The following LEKR1 variants were observed in gnomAD, a reference collection of about 807,000 sequenced individuals.
LEKR1 encodes the protein protein LEKR1.
Under a neutral mutation model 72.4 loss-of-function variants are expected in LEKR1, and 59 were observed. The observed-to-expected ratio is 0.82, with a 90% confidence interval of 0.66 to 1.01. The LOEUF (loss-of-function observed/expected upper bound fraction) is 1.01, where lower values mean the gene tolerates loss of function less well. LEKR1 is among the 50% of genes least tolerant of loss of function. The pLI is 0.00. For synonymous variants in LEKR1, 257 were observed against 263.2 expected (o/e 0.98, Z 0.23); for missense variants, 728 against 759.2 (o/e 0.96, Z 0.48).
At chr3:156,887,256 A>G (rs578219054) in intron 3 of LEKR1, among the ~76,000 whole-genome samples, 4 of 146,204 alleles carry the variant, frequency 2.7e-5, no homozygotes, top group African/African-American at 1.0e-4. Context: ...TGCTCCTCCC[A>G]ATTTTTTGAA....
At chr3:156,999,133 G>GT (rs1731819633) in intron 9 of LEKR1, among the ~76,000 whole-genome samples, 1 of 152,110 alleles carries the variant, frequency 6.6e-6, no homozygotes. Flanking sequence ...CTCCATGATT[G>GT]TAAGTTTCCT....
chr3:156,999,728 A>T (rs1161807983), intron 9 of LEKR1, among the ~76,000 whole-genome samples: 1 of 152,056 alleles, frequency 6.6e-6, no homozygotes, highest in Non-Finnish European at 1.5e-5. Flanking sequence ...TTTCTAATTC[A>T]CCAACCCAGA....
chr3:156,919,740 A>G (rs1282246993), intron 3 of LEKR1, among the ~76,000 whole-genome samples: 2 of 152,190 alleles, frequency 1.3e-5, no homozygotes, highest in African/African-American at 4.8e-5. Flanking sequence ...CATTGCCATG[A>G]TGTATTAGAT....
chr3:156,870,942 T>A (rs1348199114), intron 3 of LEKR1, among the ~76,000 whole-genome samples: 1 of 152,054 alleles, frequency 6.6e-6, no homozygotes, highest in African/African-American at 2.4e-5. Flanking sequence ...ATGTTTTATG[T>A]CCTTCATTCT....
chr3:156,902,787 C>A (rs1722156642), intron 3 of LEKR1, among the ~76,000 whole-genome samples: 2 of 151,980 alleles, frequency 1.3e-5, no homozygotes, highest in Non-Finnish European at 2.9e-5. Context: ...CTACTGAATA[C>A]TATCTAGCTT....
At chr3:156,948,006 A>G (rs558289191) in intron 6 of LEKR1, among the ~76,000 whole-genome samples, 15 of 151,402 alleles carry the variant, frequency 9.9e-5, no homozygotes, top group African/African-American at 3.4e-4. Flanking sequence ...TTATTCTTCC[A>G]CATAAACTTT....
rs550697000 is a variant in LEKR1 at position 156,985,908 on chromosome 3, A to G, written c.827+6633A>G. Among the ~76,000 whole-genome samples the G allele has an allele frequency of 7.2e-5, 11 of 152,140 alleles. No homozygotes were observed. The East Asian group carries it at 1.7e-3, about 24-fold the overall frequency. On this transcript the variant is annotated intron_variant, in intron 7 of 12. Transcript: ENST00000356539. ...ATCCTGGATTATGTGGGCAGGCCTA[A>G]TATAATCACGAGGATCCTTATAAGA... is the stretch of plus-strand genomic sequence containing the variant.
At chr3:156,990,059 A>G (rs1223041802) in intron 7 of LEKR1, among the ~76,000 whole-genome samples, 1 of 152,204 alleles carries the variant, frequency 6.6e-6, no homozygotes, top group Non-Finnish European at 1.5e-5. Flanking sequence ...GAGTTAATCT[A>G]CTCAGATATC....
At chr3:156,927,707 T>G (rs1724847637) in intron 5 of LEKR1, 103 bp downstream of exon 5, 1 of 407,006 alleles carries the variant, frequency 2.5e-6, no homozygotes, top group Admixed American at 5.5e-5. Context: ...GAATTAGGAT[T>G]AACTTTGTTA....
chr3:156,874,956 T>C (rs1278781800), intron 3 of LEKR1, among the ~76,000 whole-genome samples: 1 of 152,220 alleles, frequency 6.6e-6, no homozygotes, highest in Admixed American at 6.5e-5. Context: ...TTTAGACTGG[T>C]TCCATATTTT....
chr3:156,979,344 G>C (rs1576938247), intron 7 of LEKR1, 69 bp downstream of exon 7: 1 of 697,060 alleles, frequency 1.4e-6, no homozygotes, highest in Non-Finnish European at 2.2e-6. Flanking sequence ...GCAAGAATTA[G>C]GAAGAAATGA....
At chr3:156,886,137 A>G (rs553364859) in intron 3 of LEKR1, among the ~76,000 whole-genome samples, 43 of 152,160 alleles carry the variant, frequency 2.8e-4, no homozygotes, top group Admixed American at 1.2e-3. Context: ...TGCTGCAACC[A>G]CTGTGGGGGA....
chr3:157,024,149 T>G (rs1734035948), intron 10 of LEKR1, among the ~76,000 whole-genome samples: 1 of 152,174 alleles, frequency 6.6e-6, no homozygotes, highest in African/African-American at 2.4e-5. Context: ...TGAAGTATAG[T>G]CTCTACTGAA....
At chr3:156,946,227 G>A (rs1025331611) in intron 6 of LEKR1, among the ~76,000 whole-genome samples, 1 of 151,114 alleles carries the variant, frequency 6.6e-6, no homozygotes, top group African/African-American at 2.4e-5. Flanking sequence ...TGATTTTCTT[G>A]ATTTCTTTTT....
intron 6 of LEKR1, among the ~76,000 whole-genome samples, chr3:156,956,960 T>C (rs1240813208): frequency 6.6e-6 from 1 of 152,036 alleles, no homozygotes; most frequent in East Asian, 1.9e-4. Context: ...CTTTTTAAAT[T>C]AGTACAAAGA....
At chr3:156,908,699 C>A (rs141911429) in intron 3 of LEKR1, among the ~76,000 whole-genome samples, 140 of 152,236 alleles carry the variant, frequency 9.2e-4, no homozygotes, top group African/African-American at 3.3e-3. Flanking sequence ...GCCCTGATTT[C>A]TTTAATTGGA....
chr3:156,969,432 A>C (rs1158756207), intron 6 of LEKR1, among the ~76,000 whole-genome samples: 1 of 152,238 alleles, frequency 6.6e-6, no homozygotes, highest in Admixed American at 6.5e-5. Context: ...AAAAATGGTA[A>C]AGGAGATATC....
At chr3:156,938,394 T>G (rs1240523617) in intron 5 of LEKR1, among the ~76,000 whole-genome samples, 3 of 152,224 alleles carry the variant, frequency 2.0e-5, no homozygotes, top group Non-Finnish European at 4.4e-5. Flanking sequence ...GCTTTTTGTT[T>G]TTTGAGATGG....
chr3:156,939,935 G>T (rs1726051696), intron 5 of LEKR1, among the ~76,000 whole-genome samples: 1 of 152,142 alleles, frequency 6.6e-6, no homozygotes, highest in African/African-American at 2.4e-5. Flanking sequence ...ATTAGGGATA[G>T]AATTGATCAA....
Sources: allele counts gnomAD v4.1 joint callset (sites outside exome capture counted in the v4.1 genomes callset), GRCh38; gene constraint gnomAD v4.1.1; transcripts MANE v1.5; gene names NCBI Gene and HGNC (gene_info 2026-07-23, HGNC 2026-07-21).